Variants in CNP observed in about 807,000 individuals in gnomAD.
CNP encodes 2',3'-cyclic-nucleotide 3'-phosphodiesterase.
In CNP, 8 loss-of-function variants were observed where a neutral mutation model predicts 37.9. That is an observed-to-expected ratio of 0.21 (90% CI 0.12 to 0.38). The LOEUF is 0.38. CNP is among the 10% of genes least tolerant of loss of function. The pLI is 1.00. For synonymous variants in CNP, 237 were observed against 238.3 expected (o/e 0.99, Z 0.05); for missense variants, 457 against 551.0 (o/e 0.83, Z 1.71).
Position 41,968,605 on chromosome 17 carries a change from CT to C in CNP, c.542del (p.Leu181ArgfsTer14). The C allele has an allele frequency of 6.2e-7, 1 of 1,614,100 alleles. No individual in the cohort carries two copies. The highest frequency in any genetic ancestry group is 8.5e-7 in the Non-Finnish European group (1 of 1,180,016). On this transcript the variant is annotated frameshift_variant, in exon 2 of 4. Coordinates refer to ENST00000393892, the MANE Select transcript of CNP (RefSeq NM_033133.5). LOFTEE classifies it high-confidence loss of function. This position sits in a 1 kb window ranked among gnomAD's most constrained non-coding sequence, Gnocchi z 4.8. ...TGACCTGAAGAAGCTGAAGCCTGGG[CT>C]GGAGAAGGACTTCCTGCCGCTCTAC... ...ADDLKKLKPG[L>X]EKDFLPLYFG...
At position 41,976,877 on chromosome 17, in the gene CNP, G is replaced by A; in HGVS notation, c.*2953G>A. The A allele has an allele frequency of 7.2e-7, 1 of 1,392,840 alleles. No individual in the cohort carries two copies. The highest frequency in any genetic ancestry group is 9.8e-7 in the Non-Finnish European group (1 of 1,021,990). 86.3% of individuals were successfully genotyped at this position (1,392,840 alleles called of 1,614,324 possible). ...AAGGGCTGCTTCAAACTCAAACACAGAGAGAAACTCTATGGGTATCAAACA... is the reference window on the plus strand; with the variant it reads ...AAGGGCTGCTTCAAACTCAAACACAAAGAGAAACTCTATGGGTATCAAACA... On this transcript the variant is annotated 3_prime_UTR_variant, in exon 4 of 4. Transcript: ENST00000393892.
In CNP at chr17:41,974,121, A is replaced by G. The variant is rs2051037157; in HGVS notation, c.*197A>G. 1 of 451,506 alleles carries G rather than the reference A, an allele frequency of 2.2e-6. No homozygotes were observed. Among genetic ancestry groups the G allele is most frequent in the Non-Finnish European group, 3.7e-6 (1 of 270,750 alleles). 28.0% of individuals were successfully genotyped at this position (451,506 alleles called of 1,614,324 possible). A position where few individuals can be genotyped will look rare whatever the true frequency, so the allele number is the denominator to read the frequency against. On this transcript the variant is annotated 3_prime_UTR_variant, in exon 4 of 4. Transcript: ENST00000393892. ...CTTCCCCTCTAATGCTCACGCTCCC[A>G]ACACAAGGTGGGCAGGGAGGCACCA... is the stretch of plus-strand genomic sequence containing the variant.
Position 41,977,403 on chromosome 17 carries a change from GA to G in CNP, c.*3481del, listed in dbSNP as rs1390669814. 1.1e-5 allele frequency: 14 copies of G among 1,289,892 alleles called. No homozygotes were observed. Among genetic ancestry groups the G allele is most frequent in the African/African-American group, 1.5e-5 (1 of 67,638 alleles). 79.9% of individuals were successfully genotyped at this position (1,289,892 alleles called of 1,614,324 possible). A position where few individuals can be genotyped will look rare whatever the true frequency, so the allele number is the denominator to read the frequency against. On this transcript the variant is annotated 3_prime_UTR_variant, in exon 4 of 4. Coordinates refer to ENST00000393892, the MANE Select transcript of CNP (RefSeq NM_033133.5). ...GTTCGAAGAGAACTGATGACACTGA[GA>G]ACAGATCTCCAAAGCTTTCCTGGAG... is the stretch of plus-strand genomic sequence containing the variant.
At chr17:41,972,938 C>T (rs1383759016) in intron 3 of CNP, among the ~76,000 whole-genome samples, 1 of 152,188 alleles carries the variant, frequency 6.6e-6, no homozygotes, top group Non-Finnish European at 1.5e-5. Context: ...AGATGGGAAC[C>T]AAAGTGTAAG....
At position 41,977,639 on chromosome 17, in the gene CNP, TC is replaced by T. The variant is rs1555645202; in HGVS notation, c.*3719del. On this transcript the variant is annotated 3_prime_UTR_variant, in exon 4 of 4. Coordinates refer to ENST00000393892, the MANE Select transcript of CNP (RefSeq NM_033133.5). The stretch of plus-strand genomic sequence containing the variant: ...TGCCATTTGCACTTACACAAGACTT[TC>T]CCCATACTCTGTCTCCCTATAATGC... The T allele has an allele frequency of 4.2e-6, 1 of 237,124 alleles. No individual in the cohort carries two copies. Among genetic ancestry groups the T allele is most frequent in the African/African-American group, 2.3e-5 (1 of 44,252 alleles). The allele number at this position is 237,124 out of a possible 1,614,324, so 14.7% of individuals were successfully genotyped here.
rs1433770130 is a variant in CNP, at chr17:41,966,830, C to T, written c.-55C>T. ...TCCCGTGTCCCTCCGCGCAGGCGGG[C>T]GGCCCCGGAGCGCTGGTGCCGGCAG... is the stretch of plus-strand genomic sequence containing the variant. On this transcript the variant is annotated 5_prime_UTR_variant, in exon 1 of 4. Coordinates refer to ENST00000393892, the MANE Select transcript of CNP (RefSeq NM_033133.5). 5 of 1,376,940 alleles carry T rather than the reference C, an allele frequency of 3.6e-6. No individual in the cohort carries two copies. The highest frequency in any genetic ancestry group is 6.4e-5 in the Admixed American group (2 of 31,242). 85.3% of individuals were successfully genotyped at this position (1,376,940 alleles called of 1,614,324 possible). A position where few individuals can be genotyped will look rare whatever the true frequency, so the allele number is the denominator to read the frequency against.
rs782378608 is a variant in CNP at position 41,973,842 on chromosome 17, C to T, written c.1184C>T (p.Thr395Met). The T allele has an allele frequency of 9.3e-6, 15 of 1,604,716 alleles. No individual in the cohort carries two copies. The highest frequency in any genetic ancestry group is 2.2e-5 in the East Asian group (1 of 44,742). Residue 395 changes from threonine to methionine, a missense_variant, in exon 4 of 4, where the codon ACG (threonine) becomes ATG (methionine). Physicochemically the swap from Thr to Met is moderately conservative, Grantham distance 81 (BLOSUM62 -1). Coordinates refer to ENST00000393892, the MANE Select transcript of CNP (RefSeq NM_033133.5). ...AKNMEVRAIF[T>M]GYYGKGKPVP... ...AACATGGAGGTCAGGGCCATCTTCACGGGGTACTACGGGAAAGGCAAACCT... is the reference window on the plus strand; with the variant it reads ...AACATGGAGGTCAGGGCCATCTTCATGGGGTACTACGGGAAAGGCAAACCT...
chr17:41,969,570 T>C (rs947692121), intron 2 of CNP, among the ~76,000 whole-genome samples: 3 of 152,318 alleles, frequency 2.0e-5, no homozygotes, highest in South Asian at 2.1e-4. Context: ...TATTTATTTA[T>C]TGTGACACGG....
chr17:41,967,961 A>C (rs1329692752), intron 1 of CNP, 107 bp from the exon 2 acceptor site: 1 of 1,518,872 alleles, frequency 6.6e-7, no homozygotes, highest in Non-Finnish European at 8.8e-7. Context: ...AAGGTCCAGC[A>C]CTGCCCCGCT....
In CNP at chr17:41,968,700, G is replaced by A; in HGVS notation, c.636G>A (p.Glu212=). ...LRKAGQVFLE[E]LGNHKAFKKE... is the part of the protein sequence containing the mutation. ...AAGCCGGCCAGGTCTTCCTGGAAGAGCTGGGGAACCACAAGGCCTTCAAGA... is the reference window on the plus strand; with the variant it reads ...AAGCCGGCCAGGTCTTCCTGGAAGAACTGGGGAACCACAAGGCCTTCAAGA... Residue 212 remains glutamate, a synonymous_variant, in exon 2 of 4, where the codon GAG becomes GAA. Transcript: ENST00000393892. The surrounding 1 kb of genome is among the most constrained non-coding windows in gnomAD (Gnocchi z 4.8). The A allele has an allele frequency of 4.3e-6, 7 of 1,613,476 alleles. No individual in the cohort carries two copies. The highest frequency in any genetic ancestry group is 5.9e-6 in the Non-Finnish European group (7 of 1,179,616).
Position 41,968,517 on chromosome 17 carries a change from G to C in CNP, c.453G>C (p.Lys151Asn), listed in dbSNP as rs1446297823. ...ACCAGGTGGTGCTGGTGGAGCCCAA[G>C]ACGGCGTGGCGGCTGGACTGTGCCC... is the stretch of plus-strand genomic sequence containing the variant. ...YQYQVVLVEP[K>N]TAWRLDCAQL... Residue 151 changes from lysine (K) to asparagine (N), a missense_variant, in exon 2 of 4, where the codon AAG becomes AAC. Coordinates refer to ENST00000393892, the MANE Select transcript of CNP (RefSeq NM_033133.5). The surrounding 1 kb of genome is among the most constrained non-coding windows in gnomAD (Gnocchi z 4.8). The C allele has an allele frequency of 6.2e-7, 1 of 1,614,066 alleles. No homozygotes were observed. Among genetic ancestry groups the C allele is most frequent in the Non-Finnish European group, 8.5e-7 (1 of 1,180,048 alleles).
chr17:41,968,579 A>G lies in CNP; in HGVS notation c.515A>G (p.Asp172Gly), dbSNP rs781913039. The change falls in exon 2 of 4, where the codon GAT (aspartate) becomes GGT (glycine). Residue 172 changes from aspartate (D) to glycine (G), a missense_variant. Transcript: ENST00000393892. This position sits in a 1 kb window ranked among gnomAD's most constrained non-coding sequence, Gnocchi z 4.8. ...AAGAACCAGTGGCAGCTGTCGGCTG[A>G]TGACCTGAAGAAGCTGAAGCCTGGG... ...KEKNQWQLSA[D>G]DLKKLKPGLE... 5 of 1,614,038 alleles carry G rather than the reference A, an allele frequency of 3.1e-6. No homozygotes were observed. The South Asian group carries it at 5.5e-5, about 18-fold the overall frequency.
intron 3 of CNP, among the ~76,000 whole-genome samples, chr17:41,973,235 C>T (rs138063031): frequency 7.8e-4 from 119 of 152,304 alleles, no homozygotes; most frequent in Middle Eastern, 6.8e-3. Flanking sequence ...TCAGGAAGTC[C>T]GGCTGTCCCC....
chr17:41,969,753 A>C (rs1327985616), intron 2 of CNP, among the ~76,000 whole-genome samples: 3 of 152,114 alleles, frequency 2.0e-5, no homozygotes, highest in African/African-American at 7.2e-5. Flanking sequence ...ACGGAGTTTC[A>C]CAATGTTGGC....
chr17:41,976,912 GT>G lies in CNP; in HGVS notation c.*2993del. On this transcript the variant is annotated 3_prime_UTR_variant, in exon 4 of 4. Transcript: ENST00000393892. Reference sequence around the variant, plus strand: ...CTATGGGTATCAAACAGCTCAGGCTGTTTTTGGGTGCAAGAGGGAGCACGTG... The same window carrying G: ...CTATGGGTATCAAACAGCTCAGGCTGTTTTGGGTGCAAGAGGGAGCACGTG... The G allele has an allele frequency of 1.4e-5, 15 of 1,055,530 alleles. No individual in the cohort carries two copies. Among genetic ancestry groups the G allele is most frequent in the Non-Finnish European group, 1.8e-5 (13 of 738,670 alleles). The allele number at this position is 1,055,530 out of a possible 1,614,324, so 65.4% of individuals were successfully genotyped here.
intron 1 of CNP, chr17:41,967,629 T>C (rs1598099921): frequency 9.9e-7 from 1 of 1,008,546 alleles, no homozygotes; most frequent in Non-Finnish European, 1.2e-6. Context: ...GCGGCCATTG[T>C]TGGGGGAAGG....
intron 3 of CNP, among the ~76,000 whole-genome samples, chr17:41,972,271 A>G (rs930375858): frequency 6.6e-6 from 1 of 151,870 alleles, no homozygotes; most frequent in Non-Finnish European, 1.5e-5. Flanking sequence ...ACCTGCCCCC[A>G]AGCACCTTCG....
intron 3 of CNP, among the ~76,000 whole-genome samples, chr17:41,972,492 C>T (rs1019591722): frequency 3.9e-5 from 6 of 152,114 alleles, no homozygotes; most frequent in East Asian, 3.9e-4. Context: ...CTAATGGGTA[C>T]GAGACCTTTC....
chr17:41,974,024 T>TA lies in CNP; in HGVS notation c.*101dup, dbSNP rs2051035762. 6 of 886,450 alleles carry TA rather than the reference T, an allele frequency of 6.8e-6. No homozygotes were observed. The highest frequency in any genetic ancestry group is 2.7e-5 in the South Asian group (1 of 36,656). The allele number at this position is 886,450 out of a possible 1,614,324, so 54.9% of individuals were successfully genotyped here. ...GTGACATTTTTTTTTTTTTTTTTTT[T>TA]ACTCAAAGTTAACCTACCTGTAACT... On this transcript the variant is annotated 3_prime_UTR_variant, in exon 4 of 4. Transcript: ENST00000393892.
Sources: gnomAD v4.1 joint callset for allele counts (sites outside exome capture counted in the v4.1 genomes callset) on GRCh38, gnomAD v4.1.1 for gene constraint, Gnocchi (gnomAD v3.1) non-coding constraint, MANE v1.5 for transcripts, NCBI Gene and HGNC (gene_info 2026-07-23, HGNC 2026-07-21) for gene names.